Variants in DTNBP1 observed in about 807,000 individuals in gnomAD.
The protein encoded by DTNBP1 is dystrobrevin binding protein 1.
A neutral mutation model predicts 42.8 loss-of-function variants in DTNBP1; 35 were observed. The observed-to-expected ratio is 0.82, with a 90% CI of 0.63 to 1.09. DTNBP1 has a LOEUF of 1.09. Ranked by LOEUF, DTNBP1 falls within the 50% of genes least tolerant of loss-of-function variation. The pLI, the probability that DTNBP1 is intolerant of heterozygous loss-of-function variation, is 0.00. For synonymous variants in DTNBP1, 171 were observed against 162.2 expected, an observed-to-expected ratio of 1.05 and a Z score of -0.41; for missense variants, 457 against 424.2, an observed-to-expected ratio of 1.08 and a Z score of -0.68.
chr6:15,651,326 C>T lies in DTNBP1; in HGVS notation c.148G>A (p.Glu50Lys). The stretch of plus-strand genomic sequence containing the variant: ...TGAAACACTTACCTGCTAAGTAATT[C>T]TAATCCAGCAGAGTACTTTGGCAAA... ...PFLPKYSAGL[E>K]LLSRYEDTWA... Residue 50 changes from glutamate to lysine, a missense_variant, in exon 3 of 10, where the codon GAA becomes AAA. Transcript: ENST00000344537. 1 of 1,611,290 alleles carries T rather than the reference C, an allele frequency of 6.2e-7. No homozygotes were observed. The highest frequency in any genetic ancestry group is 8.5e-7 in the Non-Finnish European group (1 of 1,179,594).
At chr6:15,652,690 C>T (rs10456776) in intron 1 of DTNBP1, among the ~76,000 whole-genome samples, 22,428 of 151,908 alleles carry the variant, frequency 0.15, 1,861 homozygotes, top group East Asian at 0.3. Flanking sequence ...TATAGTGGTG[C>T]GATTGTAGCT....
At chr6:15,532,271 C>CA (rs1168841072) in intron 8 of DTNBP1, among the ~76,000 whole-genome samples, 2 of 152,222 alleles carry the variant, frequency 1.3e-5, no homozygotes, top group African/African-American at 4.8e-5. Context: ...ACCTCTGAGT[C>CA]ACTCAGTTCT....
intron 6 of DTNBP1, among the ~76,000 whole-genome samples, chr6:15,601,572 TCTC>T (rs1309012796): frequency 6.6e-6 from 1 of 152,066 alleles, no homozygotes; most frequent in Admixed American, 6.6e-5. Context: ...ATAATGCACT[TCTC>T]TGATATCAGT....
At chr6:15,523,570 T>G in intron 9 of DTNBP1, 1 of 1,250,448 alleles carries the variant, frequency 8.0e-7, no homozygotes. Context: ...TTCTTTTTTT[T>G]TTTTTTACCC....
At chr6:15,534,490 T>C (rs1490365891) in intron 7 of DTNBP1, among the ~76,000 whole-genome samples, 1 of 151,826 alleles carries the variant, frequency 6.6e-6, no homozygotes, top group African/African-American at 2.4e-5. Flanking sequence ...TAAAACCCCA[T>C]CTCTACTAAA....
At chr6:15,618,895 G>C (rs908087024) in intron 5 of DTNBP1, among the ~76,000 whole-genome samples, 1 of 152,216 alleles carries the variant, frequency 6.6e-6, no homozygotes, top group African/African-American at 2.4e-5. Flanking sequence ...CTATTCAGCT[G>C]TAAAAAAGAT....
intron 1 of DTNBP1, among the ~76,000 whole-genome samples, chr6:15,662,346 G>T (rs1239575591): frequency 6.6e-6 from 1 of 152,234 alleles, no homozygotes; most frequent in African/African-American, 2.4e-5. Flanking sequence ...TGGCCGGAGG[G>T]TGCAGGCTGC....
chr6:15,524,294 A>G (rs1169405465), intron 9 of DTNBP1: 2 of 1,609,720 alleles, frequency 1.2e-6, no homozygotes, highest in South Asian at 1.1e-5. Context: ...AACTCACCAA[A>G]GTTACCGGAG....
chr6:15,554,914 C>T (rs908555978), intron 7 of DTNBP1, among the ~76,000 whole-genome samples: 3 of 151,868 alleles, frequency 2.0e-5, no homozygotes, highest in African/African-American at 4.8e-5. Context: ...GTCAGTTATG[C>T]GAAAACCGCA....
At chr6:15,604,302 G>A (rs1316375357) in intron 6 of DTNBP1, among the ~76,000 whole-genome samples, 2 of 152,134 alleles carry the variant, frequency 1.3e-5, no homozygotes, top group African/African-American at 2.4e-5. Context: ...CATTGCCTGC[G>A]GAAAAGTTCT....
rs760460627 is a variant in DTNBP1, at chr6:15,615,285, T to C, written c.470A>G (p.Asn157Ser). The part of the protein sequence containing the change: ...CKHMQSQQLE[N>S]YKKNKRKELE... Reference sequence around the variant, plus strand: ...AACTCACCTCTTATTTTTCTTGTAATTCTCCAGTTGCTGGGACTGCATATG... The same window carrying C: ...AACTCACCTCTTATTTTTCTTGTAACTCTCCAGTTGCTGGGACTGCATATG... The change falls in exon 6 of 10, where the codon AAT (asparagine) becomes AGT (serine). Residue 157 changes from asparagine (N) to serine (S), a missense_variant. Transcript: ENST00000344537. 1 of 1,614,192 alleles carries C rather than the reference T, an allele frequency of 6.2e-7. No individual in the cohort carries two copies.
At chr6:15,635,914 A>G (rs1759985312) in intron 4 of DTNBP1, among the ~76,000 whole-genome samples, 2 of 152,322 alleles carry the variant, frequency 1.3e-5, no homozygotes, top group Admixed American at 6.5e-5. Context: ...GATTTTATAT[A>G]TAACTATTTA....
At chr6:15,613,252 G>A (rs1758516996) in intron 6 of DTNBP1, among the ~76,000 whole-genome samples, 1 of 146,190 alleles carries the variant, frequency 6.8e-6, no homozygotes, top group South Asian at 2.2e-4. Context: ...GCAGTGAGCC[G>A]AGATCATGCC....
intron 6 of DTNBP1, among the ~76,000 whole-genome samples, chr6:15,597,400 T>A (rs1776557878): frequency 1.3e-5 from 2 of 152,200 alleles, no homozygotes; most frequent in Admixed American, 1.3e-4. Flanking sequence ...TATTTTACTC[T>A]TAAGCATTAA....
rs754837350 is a variant in DTNBP1, at chr6:15,524,551, C to G, written c.786G>C (p.Glu262Asp). The G allele has an allele frequency of 1.9e-6, 3 of 1,609,796 alleles. No individual in the cohort carries two copies. In the South Asian group the frequency reaches 3.3e-5, roughly 18 times the overall value. Residue 262 changes from glutamate to aspartate, a missense_variant, in exon 9 of 10, where the codon GAG becomes GAC. Coordinates refer to ENST00000344537, the MANE Select transcript of DTNBP1 (RefSeq NM_032122.5). ...CTAAGGCGGGGGACAGCACAGTGTT[C>G]TCTTCTCCTCCAGAGTTCAGGAAGA... is the stretch of plus-strand genomic sequence containing the variant. ...LDVFLNSGGE[E>D]NTVLSPALGP...
chr6:15,562,782 T>A (rs1774903238), intron 7 of DTNBP1, among the ~76,000 whole-genome samples: 1 of 152,206 alleles, frequency 6.6e-6, no homozygotes, highest in Non-Finnish European at 1.5e-5. Context: ...CAGACTCTCA[T>A]ATGTCCCTAA....
chr6:15,601,257 T>C (rs1776716193), intron 6 of DTNBP1, among the ~76,000 whole-genome samples: 1 of 152,212 alleles, frequency 6.6e-6, no homozygotes, highest in African/African-American at 2.4e-5. Context: ...TTTCATATTA[T>C]ACAATGTTGA....
chr6:15,569,127 C>T (rs1775225476), intron 7 of DTNBP1, among the ~76,000 whole-genome samples: 1 of 152,152 alleles, frequency 6.6e-6, no homozygotes, highest in South Asian at 2.1e-4. Flanking sequence ...TTCCTTGTAA[C>T]CAAAAGTCAT....
chr6:15,643,833 C>T (rs1371838467), intron 3 of DTNBP1, among the ~76,000 whole-genome samples: 1 of 152,124 alleles, frequency 6.6e-6, no homozygotes, highest in Non-Finnish European at 1.5e-5. Flanking sequence ...ACCATAAAAG[C>T]ACACATAAGT....
Sources: allele counts gnomAD v4.1 joint callset (sites outside exome capture counted in the v4.1 genomes callset), GRCh38; gene constraint gnomAD v4.1.1; transcripts MANE v1.5; gene names NCBI Gene and HGNC (gene_info 2026-07-23, HGNC 2026-07-21).